ACOXL: variants seen among roughly 807,000 people sequenced by gnomAD.
ACOXL encodes the protein acyl-coenzyme A oxidase-like protein.
Under a neutral mutation model 71.9 loss-of-function variants are expected in ACOXL, and 70 were observed. The observed-to-expected ratio is 0.97, with a 90% CI of 0.80 to 1.19. ACOXL has a LOEUF of 1.19. Ranked by LOEUF, ACOXL falls within the 50% of genes most tolerant of loss-of-function variation. ACOXL has a pLI of 0.00. For synonymous variants in ACOXL, 253 were observed against 281.6 expected (o/e 0.90, Z 1.02); for missense variants, 703 against 736.3 (o/e 0.95, Z 0.52).
intron 9 of ACOXL, among the ~76,000 whole-genome samples, chr2:110,823,050 C>T (rs560889243): frequency 2.0e-5 from 3 of 152,164 alleles, no homozygotes; most frequent in African/African-American, 4.8e-5. Context: ...GTCAGTAGTT[C>T]GAGACCAGCC....
chr2:111,018,708 T>TTG (rs1553458275), intron 14 of ACOXL, among the ~76,000 whole-genome samples: 1 of 134,732 alleles, frequency 7.4e-6, no homozygotes, highest in Non-Finnish European at 1.5e-5. Flanking sequence ...GCAGAGAGGC[T>TTG]GGAGGGGGTG....
intron 14 of ACOXL, among the ~76,000 whole-genome samples, chr2:111,005,553 T>C (rs2063833911): frequency 6.6e-6 from 1 of 152,232 alleles, no homozygotes; most frequent in Admixed American, 6.5e-5. Context: ...AACTTAGATA[T>C]TTAAAACATA....
chr2:110,804,970 A>G (rs1686448281), intron 8 of ACOXL, among the ~76,000 whole-genome samples: 1 of 152,334 alleles, frequency 6.6e-6, no homozygotes, highest in Admixed American at 6.5e-5. Flanking sequence ...ATTTTATGGC[A>G]TGTGAATTAC....
chr2:110,799,041 G>C lies in ACOXL; in HGVS notation c.488G>C (p.Arg163Pro). 1.9e-6 allele frequency: 3 copies of C among 1,613,842 alleles called. No homozygotes were observed. The highest frequency in any genetic ancestry group is 1.7e-6 in the Non-Finnish European group (2 of 1,179,904). The change falls in exon 7 of 18, where the codon CGG (arginine) becomes CCG (proline). Residue 163 changes from arginine (R) to proline (P), a missense_variant. By Grantham distance (103) the Arg-to-Pro change is moderately radical (BLOSUM62 -2). Coordinates refer to ENST00000439055, the MANE Select transcript of ACOXL (RefSeq NM_001142807.4). ...CCCCACTGTTTCATCGTTCCTGTCC[G>C]GGATGAAAACGGAAGCTTGTACCCA... is the stretch of plus-strand genomic sequence containing the variant. ...QGPHCFIVPV[R>P]DENGSLYPGV...
In ACOXL at chr2:110,805,379, C is replaced by T. The variant is rs547761662; in HGVS notation, c.737C>T (p.Ala246Val). Residue 246 changes from alanine (A) to valine (V), a missense_variant, in exon 9 of 18, where the codon GCT (alanine) becomes GTT (valine). Physicochemically the swap from Ala to Val is moderately conservative, Grantham distance 64. Transcript: ENST00000439055. ...TCGAGATTAGCTGTGGCTTTCCAAG[C>T]TATGGGTGCCATGAAGGTAATTGAC... ...TPSRLAVAFQ[A>V]MGAMKLGLTI... is the part of the protein sequence containing the mutation. 6.2e-7 allele frequency: 1 copy of T among 1,614,230 alleles called. No individual in the cohort carries two copies. The highest frequency in any genetic ancestry group is 1.7e-5 in the Admixed American group (1 of 60,032).
chr2:110,995,817 A>T lies in ACOXL; in HGVS notation c.1170-76A>T, dbSNP rs1169622269. On this transcript the variant is annotated intron_variant, in intron 13 of 17. Transcript: ENST00000439055. ...AGAAAAAAATAGTTTTAAAAAACAA[A>T]CCTACTCTATTTCTTTCAAATGAAA... The T allele has an allele frequency of 4.3e-6, 5 of 1,158,544 alleles. No individual in the cohort carries two copies. In the East Asian group the frequency reaches 1.2e-4, roughly 27 times the overall value. 71.8% of individuals were successfully genotyped at this position (1,158,544 alleles called of 1,614,324 possible). A position where few individuals can be genotyped will look rare whatever the true frequency, so the allele number is the denominator to read the frequency against.
At chr2:110,832,544 C>CAAAAAAAA (rs769471148) in intron 9 of ACOXL, among the ~76,000 whole-genome samples, 2 of 44,306 alleles carry the variant, frequency 4.5e-5, no homozygotes, top group Non-Finnish European at 4.7e-5. Context: ...GACTCCATCT[C>CAAAAAAAA]AAAAAAAAAA....
intron 14 of ACOXL, among the ~76,000 whole-genome samples, chr2:111,006,658 A>G (rs2063889728): frequency 1.3e-5 from 2 of 151,900 alleles, no homozygotes; most frequent in African/African-American, 2.4e-5. Flanking sequence ...TCCTGGGTAC[A>G]AGCTATTCTC....
chr2:110,787,500 T>C (rs1032511954), intron 3 of ACOXL, among the ~76,000 whole-genome samples: 6 of 144,802 alleles, frequency 4.1e-5, no homozygotes, highest in African/African-American at 7.8e-5. Context: ...CACCACTGCA[T>C]TCCAGCCTGG....
chr2:111,113,519 T>C (rs1197829931), intron 17 of ACOXL, among the ~76,000 whole-genome samples: 1 of 152,238 alleles, frequency 6.6e-6, no homozygotes, highest in African/African-American at 2.4e-5. Context: ...CTCCCTTCTG[T>C]ACTTCATGCC....
At chr2:110,777,748 C>T (rs1308917657) in intron 2 of ACOXL, among the ~76,000 whole-genome samples, 1 of 152,218 alleles carries the variant, frequency 6.6e-6, no homozygotes, top group East Asian at 1.9e-4. Flanking sequence ...GGGGTTGACA[C>T]TGGCCACGGA....
intron 10 of ACOXL, among the ~76,000 whole-genome samples, chr2:110,905,808 T>C (rs1285671478): frequency 1.3e-5 from 2 of 152,128 alleles, no homozygotes; most frequent in Non-Finnish European, 2.9e-5. Flanking sequence ...GTCTGGACAT[T>C]TAGATTCTCG....
intron 12 of ACOXL, among the ~76,000 whole-genome samples, chr2:110,950,317 G>A (rs945700322): frequency 6.6e-6 from 1 of 152,080 alleles, no homozygotes; most frequent in Non-Finnish European, 1.5e-5. Context: ...CAAATTAGAG[G>A]GGGAAAGTAG....
chr2:110,792,209 G>A (rs1001519571), intron 3 of ACOXL, among the ~76,000 whole-genome samples: 1 of 152,210 alleles, frequency 6.6e-6, no homozygotes, highest in Admixed American at 6.5e-5. Context: ...GGGATGGGGT[G>A]GGGTCAACAT....
chr2:110,991,897 C>T (rs1037326566), intron 13 of ACOXL, among the ~76,000 whole-genome samples: 1 of 152,078 alleles, frequency 6.6e-6, no homozygotes, highest in Non-Finnish European at 1.5e-5. Flanking sequence ...TTAGCTTTTT[C>T]CTCCAATGTA....
chr2:110,872,400 C>G (rs575339056), intron 10 of ACOXL, among the ~76,000 whole-genome samples: 11 of 152,308 alleles, frequency 7.2e-5, no homozygotes, highest in Non-Finnish European at 1.6e-4. Context: ...GGGTGCAATA[C>G]CTGGGCCTGA....
At chr2:110,738,207 A>G (rs1386162191) in intron 1 of ACOXL, among the ~76,000 whole-genome samples, 1 of 152,258 alleles carries the variant, frequency 6.6e-6, no homozygotes, top group East Asian at 1.9e-4. Context: ...TTCAGCAGAC[A>G]GCTATTTCTG....
Position 110,803,775 on chromosome 2 carries a change from A to G in ACOXL, c.621-1488A>G, listed in dbSNP as rs533650069. 5.3e-5 allele frequency among the ~76,000 whole-genome samples: 8 copies of G among 152,356 alleles called. No individual in the cohort carries two copies. In the South Asian group the frequency reaches 1.7e-3, roughly 32 times the overall value. On this transcript the variant is annotated intron_variant, in intron 8 of 17. Coordinates refer to ENST00000439055, the MANE Select transcript of ACOXL (RefSeq NM_001142807.4). ...ATTTGTAAGTCATATATATTAATAT[A>G]AGGGTATAGTATCCACAATATAGAA... is the stretch of plus-strand genomic sequence containing the variant.
rs186890346 is a variant in ACOXL, at chr2:110,738,694, T to C, written c.-23+5920T>C. ...GGTGGCTTGACATGGGTTCTTTTAG[T>C]GCATTGGGCATGCAGTGGGCCCTTT... On this transcript the variant is annotated intron_variant, in intron 1 of 17. Coordinates refer to ENST00000439055, the MANE Select transcript of ACOXL (RefSeq NM_001142807.4). Among the ~76,000 whole-genome samples, 20 of 152,358 alleles carry C rather than the reference T, an allele frequency of 1.3e-4. 1 individual carries two copies. The highest frequency in any genetic ancestry group is 3.4e-3 in the Middle Eastern group (1 of 294).
Sources: allele counts gnomAD v4.1 joint callset (sites outside exome capture counted in the v4.1 genomes callset), GRCh38; gene constraint gnomAD v4.1.1; transcripts MANE v1.5; gene names NCBI Gene and HGNC (gene_info 2026-07-23, HGNC 2026-07-21).